ALKBH3: variants seen among roughly 807,000 people sequenced by gnomAD.
The protein encoded by ALKBH3 is alpha-ketoglutarate-dependent dioxygenase alkB homolog 3.
Under a neutral mutation model 43.9 loss-of-function variants are expected in ALKBH3, and 51 were observed. The ratio of observed to expected loss-of-function variants is 1.16; its 90% CI spans 0.93 to 1.47. The LOEUF (loss-of-function observed/expected upper bound fraction) is 1.47, where lower values mean the gene tolerates loss of function less well. Among genes scored for constraint, ALKBH3 ranks in the 40% most tolerant of loss-of-function variants. The probability of loss-of-function intolerance (pLI) is 0.00; values close to 1 mark genes in which losing one functional copy is unlikely to be tolerated. For synonymous variants in ALKBH3, 102 were observed against 115.2 expected, an observed-to-expected ratio of 0.89 and a Z score of 0.73; for missense variants, 361 against 351.9, an observed-to-expected ratio of 1.03 and a Z score of -0.21.
chr11:43,913,008 CAAAAAGTCAACCAT>C (rs1460887441), intron 8 of ALKBH3, among the ~76,000 whole-genome samples: 3 of 6,860 alleles, frequency 4.4e-4, no homozygotes, highest in African/African-American at 6.4e-4. Flanking sequence ...AACCATGGTT[CAAAAAGTCAACCAT>C]GGTTCAAATC....
chr11:43,913,443 G>GATTACTATCTGA lies in ALKBH3; in HGVS notation c.670-5586_670-5585insTGAATTACTATC, dbSNP rs1951957613. Among the ~76,000 whole-genome samples the GATTACTATCTGA allele has an allele frequency of 2.6e-5, 4 of 152,092 alleles. No individual in the cohort carries two copies. In the South Asian group the frequency reaches 8.3e-4, roughly 32 times the overall value. ...GATAATGGCCTCTAAGATTTATTCA[G>GATTACTATCTGA]ATTACTATCAAATAATAAATTAAAC... On this transcript the variant is annotated intron_variant, in intron 8 of 9. Transcript: ENST00000302708.
At chr11:43,918,017 A>G (rs564155990) in intron 8 of ALKBH3, among the ~76,000 whole-genome samples, 2 of 152,332 alleles carry the variant, frequency 1.3e-5, no homozygotes, top group South Asian at 4.1e-4. Context: ...ACAGTAATAA[A>G]CATAAACACA....
chr11:43,884,131 T>A, intron 4 of ALKBH3, 114 bp downstream of exon 4: 1 of 1,259,922 alleles, frequency 7.9e-7, no homozygotes, highest in East Asian at 2.4e-5. Flanking sequence ...GTGTCTTAAC[T>A]GTAGTCTGGG....
intron 8 of ALKBH3, among the ~76,000 whole-genome samples, chr11:43,904,760 T>A (rs976271804): frequency 6.6e-6 from 1 of 152,206 alleles, no homozygotes; most frequent in Admixed American, 6.5e-5. Flanking sequence ...CTACTTTTCT[T>A]TATAAACTCA....
At position 43,901,641 on chromosome 11, in the gene ALKBH3, A is replaced by G. The variant is rs1461798526; in HGVS notation, c.585A>G (p.Glu195=). The change falls in exon 8 of 10, where the codon GAA becomes GAG. Residue 195 remains glutamate, a synonymous_variant. Transcript: ENST00000302708. ...GCGTGGACTGGCACAGTGATGATGA[A>G]CCCTCACTAGGGAGGTGCCCCATTA... The part of the protein sequence containing the change: ...KDSVDWHSDD[E]PSLGRCPIIA... 1 of 1,613,996 alleles carries G rather than the reference A, an allele frequency of 6.2e-7. No homozygotes were observed. The highest frequency in any genetic ancestry group is 8.5e-7 in the Non-Finnish European group (1 of 1,180,028).
At chr11:43,899,066 A>G (rs1052762398) in intron 7 of ALKBH3, 1 of 749,676 alleles carries the variant, frequency 1.3e-6, no homozygotes, top group Non-Finnish European at 2.5e-6. Flanking sequence ...ATGCCTCTTC[A>G]GTCACCACTT....
intron 7 of ALKBH3, among the ~76,000 whole-genome samples, chr11:43,900,217 T>A: frequency 2.4e-5 from 1 of 41,136 alleles, no homozygotes; most frequent in Admixed American, 1.9e-4. Flanking sequence ...TTAATTTAAT[T>A]TTTTTTTTTT....
chr11:43,917,585 G>A (rs1049752073), intron 8 of ALKBH3, among the ~76,000 whole-genome samples: 1 of 152,116 alleles, frequency 6.6e-6, no homozygotes, highest in East Asian at 1.9e-4. Context: ...TAATCTCATG[G>A]TCAGTGCACT....
intron 7 of ALKBH3, among the ~76,000 whole-genome samples, chr11:43,894,800 C>T (rs11037714): frequency 0.18 from 27,233 of 152,148 alleles, 2,782 homozygotes; most frequent in South Asian, 0.33. Context: ...ATTGGAATTT[C>T]ACTTTGGAAT....
intron 5 of ALKBH3, among the ~76,000 whole-genome samples, chr11:43,889,245 G>A (rs547005917): frequency 2.0e-5 from 3 of 152,268 alleles, no homozygotes; most frequent in Admixed American, 1.3e-4. Flanking sequence ...GGCTGGTCTC[G>A]AACTCCTGAC....
chr11:43,909,115 C>T lies in ALKBH3; in HGVS notation c.669+7390C>T, dbSNP rs561449130. Among the ~76,000 whole-genome samples, 232 of 152,304 alleles carry T rather than the reference C, an allele frequency of 1.5e-3. 1 individual carries two copies. The highest frequency in any genetic ancestry group is 0.014 in the Middle Eastern group (4 of 294). ...TCTGTATGTGCCAAGTAAACTGTTT[C>T]GAACCAATAACCTCAGTGACTTAAA... On this transcript the variant is annotated intron_variant, in intron 8 of 9. Transcript: ENST00000302708.
At chr11:43,885,681 A>G (rs1480271607) in intron 4 of ALKBH3, among the ~76,000 whole-genome samples, 1 of 152,124 alleles carries the variant, frequency 6.6e-6, no homozygotes, top group Admixed American at 6.6e-5. Context: ...AATTTAGTAA[A>G]CCTTTATTGC....
intron 8 of ALKBH3, among the ~76,000 whole-genome samples, chr11:43,906,331 T>C (rs1236301504): frequency 2.0e-5 from 3 of 152,190 alleles, no homozygotes; most frequent in Admixed American, 2.0e-4. Context: ...AAGTCATAAA[T>C]ACTGATATTT....
At chr11:43,906,505 C>G (rs1951896916) in intron 8 of ALKBH3, among the ~76,000 whole-genome samples, 1 of 152,150 alleles carries the variant, frequency 6.6e-6, no homozygotes, top group South Asian at 2.1e-4. Context: ...GTCATCTATC[C>G]TTCCTATTAA....
intron 8 of ALKBH3, among the ~76,000 whole-genome samples, chr11:43,916,417 C>T (rs1419938477): frequency 1.3e-5 from 2 of 152,156 alleles, no homozygotes; most frequent in Admixed American, 6.5e-5. Flanking sequence ...TCCATGTACT[C>T]GTAGGGTTTC....
intron 7 of ALKBH3, chr11:43,898,051 A>G (rs1315416023): frequency 3.2e-6 from 3 of 948,184 alleles, no homozygotes; most frequent in Non-Finnish European, 5.2e-6. Context: ...GGCTGTTGTC[A>G]TCCCAGATGC....
chr11:43,903,854 T>C (rs2135194830), intron 8 of ALKBH3, among the ~76,000 whole-genome samples: 1 of 152,296 alleles, frequency 6.6e-6, no homozygotes, highest in Middle Eastern at 3.4e-3. Flanking sequence ...TATTATGCAT[T>C]CACAATATTC....
intron 7 of ALKBH3, among the ~76,000 whole-genome samples, chr11:43,899,813 A>G (rs1379402006): frequency 6.6e-6 from 1 of 151,112 alleles, no homozygotes; most frequent in African/African-American, 2.4e-5. Context: ...CCAGAGCACA[A>G]GGGCTCTCTT....
At chr11:43,909,016 C>T (rs1404394466) in intron 8 of ALKBH3, among the ~76,000 whole-genome samples, 1 of 152,200 alleles carries the variant, frequency 6.6e-6, no homozygotes, top group Non-Finnish European at 1.5e-5. Flanking sequence ...TCACCTTTCT[C>T]ATTTGCCTCG....
Sources: gnomAD v4.1 joint callset for allele counts (sites outside exome capture counted in the v4.1 genomes callset) on GRCh38, gnomAD v4.1.1 for gene constraint, MANE v1.5 for transcripts, NCBI Gene and HGNC (gene_info 2026-07-23, HGNC 2026-07-21) for gene names.